PDCD7: variants seen among roughly 807,000 people sequenced by gnomAD.
PDCD7 encodes programmed cell death protein 7.
A neutral mutation model predicts 42.1 loss-of-function variants in PDCD7; 40 were observed. That is an observed-to-expected ratio of 0.95 (90% confidence interval 0.74 to 1.24). PDCD7 has a LOEUF of 1.24. Among genes scored for constraint, PDCD7 ranks in the 50% most tolerant of loss-of-function variants. The probability of loss-of-function intolerance (pLI) is 0.00; values close to 1 mark genes in which losing one functional copy is unlikely to be tolerated. For synonymous variants in PDCD7, 299 were observed against 303.3 expected, an observed-to-expected ratio of 0.99 and a Z score of 0.15; for missense variants, 644 against 662.8, an observed-to-expected ratio of 0.97 and a Z score of 0.31.
At chr15:65,122,867 T>C (rs1465427226) in intron 2 of PDCD7, among the ~76,000 whole-genome samples, 1 of 151,938 alleles carries the variant, frequency 6.6e-6, no homozygotes, top group African/African-American at 2.4e-5. Context: ...CCGGGCGTGG[T>C]GGCAGGTGCC....
chr15:65,130,485 T>C (rs537448862), intron 1 of PDCD7, among the ~76,000 whole-genome samples: 3 of 152,158 alleles, frequency 2.0e-5, no homozygotes, highest in African/African-American at 7.2e-5. Flanking sequence ...AACAATAAAA[T>C]AAATAAAATA....
chr15:65,133,066 A>C lies in PDCD7; in HGVS notation c.716T>G (p.Leu239Arg), dbSNP rs754033995. The C allele has an allele frequency of 2.1e-5, 33 of 1,581,288 alleles. No individual in the cohort carries two copies. The South Asian group carries it at 3.6e-4, about 17-fold the overall frequency. Reference protein sequence around the residue: ...AAYVGEARRRLERVRRRRLRL... With the variant: ...AAYVGEARRRRERVRRRRLRL... Reference sequence around the variant, plus strand: ...CAGCCGGCGGCGCCGGACCCTCTCCAGCCTCCTCCGCGCCTCGCCCACATA... The same window carrying C: ...CAGCCGGCGGCGCCGGACCCTCTCCCGCCTCCTCCGCGCCTCGCCCACATA... The change falls in exon 1 of 5, where the codon CTG becomes CGG. Residue 239 changes from leucine to arginine, a missense_variant. Physicochemically the swap from Leu to Arg is moderately radical, Grantham distance 102. Transcript: ENST00000204549.
At chr15:65,119,133 AC>A in intron 4 of PDCD7, 1 of 493,078 alleles carries the variant, frequency 2.0e-6, no homozygotes, top group Non-Finnish European at 3.5e-6. Context: ...GCAAGTCACA[AC>A]CTGAGTTTTT....
chr15:65,119,227 T>C (rs1450249302), intron 4 of PDCD7, 149 bp downstream of exon 4: 6 of 584,094 alleles, frequency 1.0e-5, no homozygotes, highest in Non-Finnish European at 1.8e-5. Context: ...CCTTGAAACA[T>C]GGAAACATTA....
intron 4 of PDCD7, 84 bp from the exon 5 acceptor site, chr15:65,118,924 G>C: frequency 3.0e-6 from 3 of 999,122 alleles, no homozygotes; most frequent in Non-Finnish European, 4.2e-6. Flanking sequence ...CTAAGACTTA[G>C]CTTTCAAATG....
At chr15:65,120,267 T>C (rs971412061) in intron 2 of PDCD7, among the ~76,000 whole-genome samples, 2 of 152,006 alleles carry the variant, frequency 1.3e-5, no homozygotes, top group Non-Finnish European at 2.9e-5. Flanking sequence ...TCCTCCCACC[T>C]CAGCCTCCCA....
chr15:65,132,124 GTATA>G (rs10570029), intron 1 of PDCD7, among the ~76,000 whole-genome samples: 1,447 of 140,830 alleles, frequency 0.01, 10 homozygotes, highest in Middle Eastern at 0.021. Context: ...GTATGTATGT[GTATA>G]TATATATATA....
chr15:65,125,857 C>T (rs1192301125), intron 2 of PDCD7, among the ~76,000 whole-genome samples: 4 of 152,166 alleles, frequency 2.6e-5, no homozygotes, highest in African/African-American at 9.7e-5. Flanking sequence ...TTAATTGACT[C>T]ACAGTTCTAC....
At position 65,133,261 on chromosome 15, in the gene PDCD7, A is replaced by G. The variant is rs1334541714; in HGVS notation, c.521T>C (p.Val174Ala). The G allele has an allele frequency of 1.4e-5, 19 of 1,339,634 alleles. No homozygotes were observed. In the African/African-American group the frequency reaches 2.6e-4, roughly 18 times the overall value. 83.0% of individuals were successfully genotyped at this position (1,339,634 alleles called of 1,614,324 possible). A position where few individuals can be genotyped will look rare whatever the true frequency, so the allele number is the denominator to read the frequency against. ...RTHAGPSLGE[V>A]RARLLRALRL... ...CAGAGCCCGGAGCAATCGCGCGCGC[A>G]CTTCGCCAAGGCTGGGCCCGGCATG... Residue 174 changes from valine (V) to alanine (A), a missense_variant, in exon 1 of 5, where the codon GTG becomes GCG. By Grantham distance (64) the Val-to-Ala change is moderately conservative. Transcript: ENST00000204549.
At chr15:65,128,591 A>G (rs2087515059) in intron 2 of PDCD7, among the ~76,000 whole-genome samples, 1 of 152,224 alleles carries the variant, frequency 6.6e-6, no homozygotes, top group Admixed American at 6.5e-5. Flanking sequence ...GCCCTGTCCA[A>G]CCATTCATAC....
intron 2 of PDCD7, among the ~76,000 whole-genome samples, chr15:65,127,945 C>G (rs888511853): frequency 1.3e-5 from 2 of 152,084 alleles, no homozygotes; most frequent in South Asian, 4.1e-4. Flanking sequence ...TTACAAATGC[C>G]CTGAGAGTAC....
rs1322518172 is a variant in PDCD7, at chr15:65,133,355, C to A, written c.427G>T (p.Asp143Tyr). The A allele has an allele frequency of 8.0e-7, 1 of 1,243,098 alleles. No individual in the cohort carries two copies. Among genetic ancestry groups the A allele is most frequent in the South Asian group, 3.3e-5 (1 of 30,734 alleles). The allele number at this position is 1,243,098 out of a possible 1,614,324, so 77.0% of individuals were successfully genotyped here. A position where few individuals can be genotyped will look rare whatever the true frequency, so the allele number is the denominator to read the frequency against. ...LGDAALQRLR[D>Y]RQWLEAVFGT... Reference sequence around the variant, plus strand: ...AACACCGCCTCCAGCCACTGCCGGTCGCGCAGGCGTTGGAGGGCCGCATCC... The same window carrying A: ...AACACCGCCTCCAGCCACTGCCGGTAGCGCAGGCGTTGGAGGGCCGCATCC... The change falls in exon 1 of 5, where the codon GAC (aspartate) becomes TAC (tyrosine). Residue 143 changes from aspartate to tyrosine, a missense_variant. By Grantham distance (160) the Asp-to-Tyr change is radical. Transcript: ENST00000204549.
At chr15:65,128,595 T>C (rs1213880368) in intron 2 of PDCD7, among the ~76,000 whole-genome samples, 1 of 152,190 alleles carries the variant, frequency 6.6e-6, no homozygotes, top group East Asian at 1.9e-4. Flanking sequence ...TGTCCAACCA[T>C]TCATACCTCT....
chr15:65,121,962 T>C (rs2087458328), intron 2 of PDCD7, among the ~76,000 whole-genome samples: 1 of 152,220 alleles, frequency 6.6e-6, no homozygotes, highest in African/African-American at 2.4e-5. Context: ...TGAATCAATG[T>C]AGAGTGATGT....
chr15:65,130,952 TCCTAACAC>T (rs2087535231), intron 1 of PDCD7, among the ~76,000 whole-genome samples: 2 of 152,112 alleles, frequency 1.3e-5, no homozygotes, highest in African/African-American at 4.8e-5. Context: ...ATAGTTGAAT[TCCTAACAC>T]ACACCACGCT....
At position 65,119,449 on chromosome 15, in the gene PDCD7, C is replaced by CAAGTGGGAACTCATCTGA; in HGVS notation, c.1247-4_1260dup (p.Leu420_Ala421insSerAspGluPheProLeu). ...TGTCGGAAAGGCTCCAAGAGGTGAG[C>CAAGTGGGAACTCATCTGA]AAGTGGGAACTCATCTGAAAGAGAA... On this transcript the variant is annotated inframe_insertion, in exon 4 of 5. Transcript: ENST00000204549. The CAAGTGGGAACTCATCTGA allele has an allele frequency of 6.2e-7, 1 of 1,612,752 alleles. No homozygotes were observed. The highest frequency in any genetic ancestry group is 8.5e-7 in the Non-Finnish European group (1 of 1,178,826).
chr15:65,120,075 G>A (rs575876638), intron 2 of PDCD7, 121 bp from the exon 3 acceptor site: 2 of 1,039,766 alleles, frequency 1.9e-6, no homozygotes, highest in Admixed American at 4.9e-5. Context: ...CAAACTCCTG[G>A]GCTCAACCCA....
At chr15:65,130,154 CTTTTTTTT>C (rs886281618) in intron 1 of PDCD7, among the ~76,000 whole-genome samples, 1 of 103,662 alleles carries the variant, frequency 9.6e-6, no homozygotes, top group African/African-American at 3.8e-5. Context: ...CCCCAACCCT[CTTTTTTTT>C]TTTTTTTTTT....
chr15:65,130,876 T>C (rs1452654273), intron 1 of PDCD7, among the ~76,000 whole-genome samples: 1 of 151,938 alleles, frequency 6.6e-6, no homozygotes, highest in African/African-American at 2.4e-5. Flanking sequence ...TTACGTGTCA[T>C]TGTATCATTT....
Sources: gnomAD v4.1 joint callset for allele counts (sites outside exome capture counted in the v4.1 genomes callset) on GRCh38, gnomAD v4.1.1 for gene constraint, MANE v1.5 for transcripts, NCBI Gene and HGNC (gene_info 2026-07-23, HGNC 2026-07-21) for gene names.